TEC: variants seen among roughly 807,000 people sequenced by gnomAD.
TEC encodes the protein tec protein tyrosine kinase.
In TEC, 72 loss-of-function variants were observed where a neutral mutation model predicts 93.0. That is an observed-to-expected ratio of 0.77 (90% CI 0.64 to 0.94). The LOEUF is 0.94. Ranked by LOEUF, TEC falls within the 40% of genes least tolerant of loss-of-function variation. The pLI is 0.00. For synonymous variants in TEC, 249 were observed against 247.7 expected, an observed-to-expected ratio of 1.01 and a Z score of -0.05; for missense variants, 630 against 757.9, an observed-to-expected ratio of 0.83 and a Z score of 1.98.
chr4:48,192,856 G>A (rs1479724018), intron 2 of TEC, among the ~76,000 whole-genome samples: 2 of 152,000 alleles, frequency 1.3e-5, no homozygotes, highest in African/African-American at 2.4e-5. Context: ...TCCTACCAAG[G>A]CTGCTGCTTG....
At chr4:48,230,219 C>A (rs35737259) in intron 1 of TEC, among the ~76,000 whole-genome samples, 1 of 152,082 alleles carries the variant, frequency 6.6e-6, no homozygotes, top group Non-Finnish European at 1.5e-5. Context: ...GGAATTCTAC[C>A]ATCTTCACAC....
At chr4:48,189,474 C>T (rs17655249) in intron 2 of TEC, among the ~76,000 whole-genome samples, 17,954 of 152,192 alleles carry the variant, frequency 0.12, 1,352 homozygotes, top group East Asian at 0.35. Context: ...TTCCCACCCC[C>T]GAGGTTTCAA....
chr4:48,205,116 T>C (rs1722659961), intron 2 of TEC, among the ~76,000 whole-genome samples: 1 of 152,240 alleles, frequency 6.6e-6, no homozygotes, highest in Admixed American at 6.5e-5. Flanking sequence ...ACTAAGATAA[T>C]ACAACTTGCC....
At chr4:48,212,661 C>G (rs1337638057) in intron 2 of TEC, among the ~76,000 whole-genome samples, 3 of 152,162 alleles carry the variant, frequency 2.0e-5, no homozygotes. Flanking sequence ...CCTTGAAATC[C>G]TCTAGGCACA....
chr4:48,171,591 G>C, intron 3 of TEC, 142 bp from the exon 4 acceptor site: 2 of 546,496 alleles, frequency 3.7e-6, no homozygotes, highest in East Asian at 3.1e-5. Flanking sequence ...AGAAAACCCA[G>C]GTTACTTTCT....
At chr4:48,185,149 C>T (rs953654928) in intron 2 of TEC, among the ~76,000 whole-genome samples, 1 of 152,102 alleles carries the variant, frequency 6.6e-6, no homozygotes, top group Non-Finnish European at 1.5e-5. Context: ...AATGAAAGTT[C>T]GGGTGAGTCA....
intron 15 of TEC, among the ~76,000 whole-genome samples, chr4:48,140,250 T>C (rs1719603616): frequency 6.6e-6 from 1 of 152,230 alleles, no homozygotes. Flanking sequence ...GCGCTGCCCG[T>C]TGGCCAGCTA....
intron 1 of TEC, among the ~76,000 whole-genome samples, chr4:48,236,293 T>G (rs1448893433): frequency 2.6e-5 from 4 of 152,202 alleles, no homozygotes; most frequent in Non-Finnish European, 5.9e-5. Context: ...TTTTTTTGTT[T>G]TTTTTTGAGA....
At chr4:48,162,755 C>G (rs1720723705) in intron 8 of TEC, among the ~76,000 whole-genome samples, 1 of 152,182 alleles carries the variant, frequency 6.6e-6, no homozygotes, top group Non-Finnish European at 1.5e-5. Flanking sequence ...AAGAGAGGAA[C>G]AGCTTGTTGT....
intron 2 of TEC, among the ~76,000 whole-genome samples, chr4:48,194,262 C>G (rs1424656751): frequency 6.6e-6 from 1 of 152,204 alleles, no homozygotes; most frequent in African/African-American, 2.4e-5. Flanking sequence ...AAGAAGAGCC[C>G]CACTCCCTGC....
chr4:48,142,838 G>A (rs773365446), intron 14 of TEC, among the ~76,000 whole-genome samples: 13 of 151,798 alleles, frequency 8.6e-5, no homozygotes, highest in African/African-American at 1.5e-4. Context: ...CTGCCACCAC[G>A]CCTGGCTAAT....
At chr4:48,191,974 T>C (rs1222507702) in intron 2 of TEC, among the ~76,000 whole-genome samples, 1 of 152,084 alleles carries the variant, frequency 6.6e-6, no homozygotes, top group Admixed American at 6.5e-5. Context: ...CTCAGGACAA[T>C]ATTTGCTCAG....
chr4:48,147,252 G>A (rs181125582), intron 11 of TEC, among the ~76,000 whole-genome samples: 16 of 152,244 alleles, frequency 1.1e-4, no homozygotes, highest in Non-Finnish European at 1.9e-4. Context: ...ATATGACGCA[G>A]CATACCCATA....
intron 1 of TEC, among the ~76,000 whole-genome samples, chr4:48,256,381 C>T (rs1398444717): frequency 2.7e-5 from 4 of 150,628 alleles, no homozygotes; most frequent in African/African-American, 9.8e-5. Flanking sequence ...CCTAGGAGTT[C>T]GAGACCAGTT....
intron 2 of TEC, among the ~76,000 whole-genome samples, chr4:48,176,933 A>C (rs1721356228): frequency 6.6e-6 from 1 of 152,210 alleles, no homozygotes; most frequent in Non-Finnish European, 1.5e-5. Flanking sequence ...AAATGCCTCC[A>C]GTAGAGGCAG....
chr4:48,154,644 G>GA (rs1720320747), intron 9 of TEC, among the ~76,000 whole-genome samples: 1 of 151,858 alleles, frequency 6.6e-6, no homozygotes, highest in Non-Finnish European at 1.5e-5. Context: ...AAAATGAAGG[G>GA]AAAAAATGAT....
intron 3 of TEC, 24 bp downstream of exon 3, chr4:48,176,058 T>A: frequency 6.3e-7 from 1 of 1,578,556 alleles, no homozygotes; most frequent in Non-Finnish European, 8.7e-7. Context: ...AGCACTGCAC[T>A]GCCACAAAAA....
chr4:48,163,382 T>G (rs911803088), intron 8 of TEC, among the ~76,000 whole-genome samples: 8 of 152,236 alleles, frequency 5.3e-5, no homozygotes, highest in Non-Finnish European at 1.2e-4. Context: ...GAAACTGTTC[T>G]GCTTATGTCC....
At chr4:48,204,843 T>C (rs1261499206) in intron 2 of TEC, among the ~76,000 whole-genome samples, 1 of 152,196 alleles carries the variant, frequency 6.6e-6, no homozygotes, top group African/African-American at 2.4e-5. Context: ...CACCTTCTCC[T>C]GTGCAGCCCA....
Sources: gnomAD v4.1 joint callset for allele counts (sites outside exome capture counted in the v4.1 genomes callset) on GRCh38, gnomAD v4.1.1 for gene constraint, MANE v1.5 for transcripts, NCBI Gene and HGNC (gene_info 2026-07-23, HGNC 2026-07-21) for gene names.